Variants in USP18 observed in about 807,000 individuals in gnomAD.
The protein encoded by USP18 is ubiquitin specific peptidase 18, also known as ubl carboxyl-terminal hydrolase 18.
Under a neutral mutation model 48.7 loss-of-function variants are expected in USP18, and 11 were observed. The ratio of observed to expected loss-of-function variants is 0.23; its 90% CI spans 0.14 to 0.37. USP18 has a LOEUF of 0.37. Among genes scored for constraint, USP18 ranks in the 10% least tolerant of loss-of-function variants. USP18 has a pLI of 1.00. For synonymous variants in USP18, 114 were observed against 163.2 expected (o/e 0.70, Z 2.30); for missense variants, 285 against 436.4 (o/e 0.65, Z 3.09).
intron 4 of USP18, among the ~76,000 whole-genome samples, chr22:18,162,287 GTTT>G (rs869289414): frequency 6.6e-5 from 9 of 137,246 alleles, no homozygotes; most frequent in African/African-American, 2.1e-4. Context: ...AATAGGTTAG[GTTT>G]TTTTTTTTTT....
At chr22:18,159,476 GA>G in intron 2 of USP18, among the ~76,000 whole-genome samples, 1 of 150,662 alleles carries the variant, frequency 6.6e-6, no homozygotes, top group African/African-American at 2.4e-5. Flanking sequence ...GTAGCTTTAA[GA>G]AAAACATTAG....
chr22:18,171,485 T>C (rs1263801061), intron 8 of USP18, among the ~76,000 whole-genome samples: 1 of 148,710 alleles, frequency 6.7e-6, no homozygotes, highest in Non-Finnish European at 1.5e-5. Flanking sequence ...AAAAAAAAAT[T>C]AGCTGGGTGT....
intron 3 of USP18, 90 bp downstream of exon 3, chr22:18,160,358 T>G (rs1383542915): frequency 1.8e-5 from 27 of 1,473,112 alleles, no homozygotes; most frequent in Non-Finnish European, 2.5e-5. Context: ...CAGGCTGGAG[T>G]GCAGTGGCAT....
chr22:18,166,710 A>T (rs1300005087), intron 4 of USP18, among the ~76,000 whole-genome samples: 1 of 151,790 alleles, frequency 6.6e-6, no homozygotes, highest in Non-Finnish European at 1.5e-5. Flanking sequence ...TTACTTGGGC[A>T]TGCGCCTGGC....
chr22:18,155,285 A>G (rs187227183), intron 1 of USP18, among the ~76,000 whole-genome samples: 137 of 152,302 alleles, frequency 9.0e-4, no homozygotes, highest in African/African-American at 3.2e-3. Context: ...CTGGTCTAGT[A>G]TCAGGGTGAT....
intron 1 of USP18, among the ~76,000 whole-genome samples, chr22:18,152,629 C>T (rs1929028887): frequency 1.3e-5 from 2 of 152,042 alleles, no homozygotes; most frequent in Non-Finnish European, 2.9e-5. Flanking sequence ...TTGGAATCCG[C>T]CCAGGCTGTT....
intron 3 of USP18, among the ~76,000 whole-genome samples, chr22:18,160,640 T>C (rs1211357727): frequency 6.6e-6 from 1 of 152,068 alleles, no homozygotes; most frequent in African/African-American, 2.4e-5. Flanking sequence ...TTATTCACAG[T>C]GACTTGGACT....
chr22:18,155,526 G>A (rs1929107279), intron 1 of USP18, among the ~76,000 whole-genome samples: 1 of 152,212 alleles, frequency 6.6e-6, no homozygotes. Flanking sequence ...GGTGTGGAGG[G>A]AGAGGCAGGG....
At chr22:18,151,013 G>A (rs1400996119) in intron 1 of USP18, among the ~76,000 whole-genome samples, 3 of 152,190 alleles carry the variant, frequency 2.0e-5, no homozygotes, top group Non-Finnish European at 2.9e-5. Flanking sequence ...AATGCATGGA[G>A]ATTTAGGTTG....
At chr22:18,164,489 C>T (rs1223671616) in intron 4 of USP18, among the ~76,000 whole-genome samples, 3 of 151,842 alleles carry the variant, frequency 2.0e-5, no homozygotes, top group African/African-American at 7.3e-5. Context: ...TTTTACCATA[C>T]AGCAGGGGGT....
At chr22:18,158,810 C>G (rs2543951) in intron 2 of USP18, among the ~76,000 whole-genome samples, 45,505 of 152,018 alleles carry the variant, frequency 0.3, 8,723 homozygotes, top group East Asian at 0.63. Flanking sequence ...CTCCGCTGGA[C>G]TCCAACATAG....
intron 10 of USP18, 102 bp downstream of exon 10, chr22:18,173,944 G>A (rs1006103862): frequency 1.3e-6 from 2 of 1,504,986 alleles, no homozygotes; most frequent in Middle Eastern, 1.7e-4. Flanking sequence ...CATGCTGATG[G>A]CTCACTGTCC....
chr22:18,165,526 T>C (rs1929450165), intron 4 of USP18, among the ~76,000 whole-genome samples: 1 of 116,730 alleles, frequency 8.6e-6, no homozygotes, highest in Non-Finnish European at 1.7e-5. Flanking sequence ...GTGTTTCCTG[T>C]TTCCTGTTAG....
chr22:18,175,801 T>A (rs1283886468), intron 10 of USP18, among the ~76,000 whole-genome samples: 2 of 149,224 alleles, frequency 1.3e-5, no homozygotes, highest in African/African-American at 5.2e-5. Flanking sequence ...AAAGCAAGAC[T>A]CCATCTCTAC....
chr22:18,173,813 G>C lies in USP18; in HGVS notation c.1044G>C (p.Gln348His), dbSNP rs1380001424. The change falls in exon 10 of 11, where the codon CAG becomes CAC. Residue 348 changes from glutamine (Q) to histidine (H), a missense_variant. Physicochemically the swap from Gln to His is conservative, Grantham distance 24. Transcript: ENST00000215794. ...NICLVSWEDI[Q>H]CTYGNPNYHW... ...TCCAGGTGTCCTGGGAAGACATCCA[G>C]TGTACCTACGGAAATCCTAACTACC... The C allele has an allele frequency of 1.9e-6, 3 of 1,607,166 alleles. No homozygotes were observed. The highest frequency in any genetic ancestry group is 1.7e-5 in the Admixed American group (1 of 59,704).
intron 3 of USP18, among the ~76,000 whole-genome samples, chr22:18,161,066 G>A (rs1430634095): frequency 6.6e-6 from 1 of 152,054 alleles, no homozygotes; most frequent in African/African-American, 2.4e-5. Flanking sequence ...CACTGCGCCC[G>A]GCCAGGTATT....
At chr22:18,152,874 T>A (rs745934264) in intron 1 of USP18, among the ~76,000 whole-genome samples, 1 of 152,102 alleles carries the variant, frequency 6.6e-6, no homozygotes, top group Non-Finnish European at 1.5e-5. Context: ...CCTACTGAAG[T>A]ATCTGGGAGG....
intron 4 of USP18, among the ~76,000 whole-genome samples, chr22:18,166,378 T>C (rs1929478122): frequency 1.3e-5 from 2 of 152,156 alleles, no homozygotes; most frequent in Non-Finnish European, 2.9e-5. Flanking sequence ...CTTTAGTTCT[T>C]TGAACATATT....
chr22:18,169,041 A>T (rs1929557478), intron 6 of USP18, among the ~76,000 whole-genome samples: 1 of 152,082 alleles, frequency 6.6e-6, no homozygotes, highest in Non-Finnish European at 1.5e-5. Flanking sequence ...GGATATGAGG[A>T]GAACCAGAAG....
Sources: allele counts gnomAD v4.1 joint callset (sites outside exome capture counted in the v4.1 genomes callset), GRCh38; gene constraint gnomAD v4.1.1; transcripts MANE v1.5; gene names NCBI Gene and HGNC (gene_info 2026-07-23, HGNC 2026-07-21).